KCNMA1: variants seen among roughly 807,000 people sequenced by gnomAD.
KCNMA1 encodes Calcium-activated potassium channel subunit alpha-1.
A neutral mutation model predicts 140.0 loss-of-function variants in KCNMA1; 29 were observed. That is an observed-to-expected ratio of 0.21 (90% confidence interval 0.15 to 0.28). The LOEUF (loss-of-function observed/expected upper bound fraction) is 0.28. Among genes scored for constraint, KCNMA1 ranks in the 10% least tolerant of loss-of-function variants. KCNMA1 has a pLI of 1.00. For synonymous variants in KCNMA1, 612 were observed against 611.9 expected, an observed-to-expected ratio of 1.00 and a Z score of 0.00; for missense variants, 880 against 1,602.2, an observed-to-expected ratio of 0.55 and a Z score of 7.70.
At chr10:76,948,581 A>C (rs1347860970) in intron 22 of KCNMA1, among the ~76,000 whole-genome samples, 1 of 152,200 alleles carries the variant, frequency 6.6e-6, no homozygotes, top group East Asian at 1.9e-4. Flanking sequence ...TATCATGCAC[A>C]CATGCACACA....
intron 7 of KCNMA1, among the ~76,000 whole-genome samples, chr10:77,112,075 G>T (rs192147051): frequency 1.3e-4 from 20 of 152,238 alleles, no homozygotes; most frequent in African/African-American, 4.3e-4. Flanking sequence ...CCATCTTGTG[G>T]CTTACTATAG....
chr10:76,952,107 T>A (rs2066486858), intron 21 of KCNMA1: 6 of 1,552,014 alleles, frequency 3.9e-6, no homozygotes, highest in Middle Eastern at 1.7e-4. Context: ...TACACCAATA[T>A]CCAGGCAAGT....
intron 1 of KCNMA1, chr10:77,636,951 C>T (rs1039227777): frequency 4.2e-6 from 6 of 1,415,936 alleles, no homozygotes; most frequent in African/African-American, 1.4e-5. Flanking sequence ...CCCCGCACCA[C>T]GGCACCCGAG....
chr10:77,408,783 G>A (rs537896750), intron 1 of KCNMA1, among the ~76,000 whole-genome samples: 1 of 152,302 alleles, frequency 6.6e-6, no homozygotes, highest in African/African-American at 2.4e-5. Context: ...GCCCTTGGCA[G>A]CTCCCTGAGA....
At chr10:77,156,811 A>AT (rs1564874767) in intron 5 of KCNMA1, among the ~76,000 whole-genome samples, 1 of 152,180 alleles carries the variant, frequency 6.6e-6, no homozygotes, top group Non-Finnish European at 1.5e-5. Context: ...CCCAAGACTC[A>AT]TGACTCAGCC....
At chr10:77,086,936 T>G (rs1197612059) in intron 10 of KCNMA1, among the ~76,000 whole-genome samples, 2 of 152,234 alleles carry the variant, frequency 1.3e-5, no homozygotes, top group African/African-American at 4.8e-5. Flanking sequence ...TTATGCGGAC[T>G]GTGCCAGAGG....
chr10:76,913,946 G>C (rs2051508068), intron 24 of KCNMA1: 1 of 772,700 alleles, frequency 1.3e-6, no homozygotes, highest in Non-Finnish European at 2.2e-6. Flanking sequence ...CAGTGCCATG[G>C]GGTAGCCTTT....
intron 3 of KCNMA1, among the ~76,000 whole-genome samples, chr10:77,212,539 A>G (rs1238555407): frequency 6.6e-6 from 1 of 152,184 alleles, no homozygotes; most frequent in Non-Finnish European, 1.5e-5. Context: ...ACAAACCTGC[A>G]TATGTACCCC....
At chr10:77,229,782 A>G (rs544379402) in intron 3 of KCNMA1, among the ~76,000 whole-genome samples, 1 of 152,304 alleles carries the variant, frequency 6.6e-6, no homozygotes, top group Non-Finnish European at 1.5e-5. Context: ...CACAAAGCAA[A>G]CAAACAAAAA....
chr10:77,433,198 G>C (rs2097187662), intron 1 of KCNMA1, among the ~76,000 whole-genome samples: 1 of 151,944 alleles, frequency 6.6e-6, no homozygotes, highest in South Asian at 2.1e-4. Context: ...TGTTACCCAG[G>C]CTGGAGTGCA....
chr10:76,968,923 G>C (rs780953208), intron 20 of KCNMA1, among the ~76,000 whole-genome samples: 1 of 152,094 alleles, frequency 6.6e-6, no homozygotes, highest in Non-Finnish European at 1.5e-5. Context: ...TATGGGGAGT[G>C]GAAATCACCA....
intron 3 of KCNMA1, among the ~76,000 whole-genome samples, chr10:77,214,165 C>A (rs2046983385): frequency 6.6e-6 from 1 of 152,182 alleles, no homozygotes; most frequent in Admixed American, 6.5e-5. Flanking sequence ...TCTCAAACTG[C>A]AAATTGACAC....
At chr10:77,004,252 C>A (rs921672540) in intron 18 of KCNMA1, among the ~76,000 whole-genome samples, 1 of 141,980 alleles carries the variant, frequency 7.0e-6, no homozygotes, top group Admixed American at 7.0e-5. Context: ...CACACACACA[C>A]AAAATCAGCA....
At chr10:77,342,585 C>T (rs574539788) in intron 2 of KCNMA1, among the ~76,000 whole-genome samples, 1 of 152,340 alleles carries the variant, frequency 6.6e-6, no homozygotes, top group South Asian at 2.1e-4. Flanking sequence ...CACCTCCAGG[C>T]TGAGACAAAG....
At position 77,000,889 on chromosome 10, in the gene KCNMA1, T is replaced by C. The variant is rs1482800899; in HGVS notation, c.2266+518A>G. Among the ~76,000 whole-genome samples, 33 of 118,118 alleles carry C rather than the reference T, an allele frequency of 2.8e-4. 3 individuals carry two copies. The highest frequency in any genetic ancestry group is 1.1e-3 in the African/African-American group (33 of 29,416). 77.5% of individuals were successfully genotyped at this position (118,118 alleles called of 152,430 possible). ...ATATATATATATATATATATATATA[T>C]ATATATATATATCCATCTGCATCAA... On this transcript the variant is annotated intron_variant, in intron 19 of 27. Transcript: ENST00000286628.
In KCNMA1 at chr10:76,935,343, A is replaced by C. The variant is rs540830724; in HGVS notation, c.2902+9430T>G. Among the ~76,000 whole-genome samples the C allele has an allele frequency of 7.9e-5, 12 of 152,346 alleles. 1 individual carries two copies. The South Asian group carries it at 2.5e-3, about 32-fold the overall frequency. On this transcript the variant is annotated intron_variant, in intron 23 of 27. Coordinates refer to ENST00000286628, the MANE Select transcript of KCNMA1 (RefSeq NM_001161352.2). ...GTGCCCCCATGACCCTTGAAAGTAC[A>C]TGTATAGCTTCAGGCCCATTCTCAT...
intron 2 of KCNMA1, among the ~76,000 whole-genome samples, chr10:77,294,660 T>TG: frequency 6.6e-6 from 1 of 152,220 alleles, no homozygotes; most frequent in East Asian, 1.9e-4. Flanking sequence ...GACTCACGCC[T>TG]GTAATCCCAG....
intron 6 of KCNMA1, 135 bp from the exon 7 acceptor site, chr10:77,112,577 G>C: frequency 1.4e-6 from 1 of 699,544 alleles, no homozygotes. Flanking sequence ...CCATTATAAG[G>C]GAATTCTGGA....
At chr10:77,329,629 C>T (rs1355336625) in intron 2 of KCNMA1, among the ~76,000 whole-genome samples, 1 of 152,220 alleles carries the variant, frequency 6.6e-6, no homozygotes, top group Non-Finnish European at 1.5e-5. Context: ...CACCTCCCCT[C>T]TGTTGGTCTG....
Sources: gnomAD v4.1 joint callset for allele counts (sites outside exome capture counted in the v4.1 genomes callset) on GRCh38, gnomAD v4.1.1 for gene constraint, MANE v1.5 for transcripts, NCBI Gene and HGNC (gene_info 2026-07-23, HGNC 2026-07-21) for gene names.